UGGT1: variants seen among roughly 807,000 people sequenced by gnomAD.
UGGT1 encodes the protein UDP-glucose glycoprotein glucosyltransferase 1.
Under a neutral mutation model 203.9 loss-of-function variants are expected in UGGT1, and 107 were observed. The ratio of observed to expected loss-of-function variants is 0.52; its 90% CI spans 0.45 to 0.62. The LOEUF (loss-of-function observed/expected upper bound fraction) is 0.62. UGGT1 is among the 20% of genes least tolerant of loss of function. The pLI is 0.00. For synonymous variants in UGGT1, 628 were observed against 653.5 expected, an observed-to-expected ratio of 0.96 and a Z score of 0.59; for missense variants, 1,673 against 1,867.2, an observed-to-expected ratio of 0.90 and a Z score of 1.92.
At position 128,127,342 on chromosome 2, in the gene UGGT1, A is replaced by C. The variant is rs762717302; in HGVS notation, c.1135-19A>C. 5.7e-6 allele frequency: 9 copies of C among 1,572,266 alleles called. No individual in the cohort carries two copies. The highest frequency in any genetic ancestry group is 1.4e-5 in the African/African-American group (1 of 73,716). On this transcript the variant is annotated intron_variant, in intron 11 of 40. Transcript: ENST00000259253. Reference sequence around the variant, plus strand: ...AAACATTCTCTCACAGCTCCCTAATAATTATTAAAATTTTTCAGTATTTCA... The same window carrying C: ...AAACATTCTCTCACAGCTCCCTAATCATTATTAAAATTTTTCAGTATTTCA...
At chr2:128,133,289 ACTCTGTTTCTCCCTTGCCTAGTCC>A in intron 14 of UGGT1, 29 bp downstream of exon 14, 1 of 1,579,610 alleles carries the variant, frequency 6.3e-7, no homozygotes, top group South Asian at 1.1e-5. Context: ...CTGGCTGTGA[ACTCTGTTTCTCCCTTGCCTAGTCC>A]CTCTTTTTTT....
chr2:128,140,601 G>T (rs940618138), intron 16 of UGGT1: 1 of 152,154 alleles, frequency 6.6e-6, no homozygotes, highest in South Asian at 2.1e-4. Flanking sequence ...TGGGCTCTGC[G>T]GCCTGAGACT....
chr2:128,161,374 T>G, intron 25 of UGGT1, 106 bp downstream of exon 25: 1 of 1,328,960 alleles, frequency 7.5e-7, no homozygotes, highest in Non-Finnish European at 1.0e-6. Context: ...CCAAGGAGTT[T>G]TATTTCCAGT....
rs1692309283 is a variant in UGGT1, at chr2:128,192,369, A to G, written c.*2627A>G. Reference sequence around the variant, plus strand: ...ACTAAAATATTTTCTCCAAGAAGGCATACTGTAACAGAAAAGATAGGTAAG... The same window carrying G: ...ACTAAAATATTTTCTCCAAGAAGGCGTACTGTAACAGAAAAGATAGGTAAG... On this transcript the variant is annotated 3_prime_UTR_variant, in exon 41 of 41. Coordinates refer to ENST00000259253, the MANE Select transcript of UGGT1 (RefSeq NM_020120.4). The G allele has an allele frequency of 6.6e-6, 1 of 152,044 alleles. No individual in the cohort carries two copies. The highest frequency in any genetic ancestry group is 6.6e-5 in the Admixed American group (1 of 15,250). The allele number at this position is 152,044 out of a possible 1,614,324, so 9.4% of individuals were successfully genotyped here. A position where few individuals can be genotyped will look rare whatever the true frequency, so the allele number is the denominator to read the frequency against.
At position 128,182,209 on chromosome 2, in the gene UGGT1, G is replaced by C. The variant is rs931463975; in HGVS notation, c.4163G>C (p.Ser1388Thr). Residue 1388 changes from serine (S) to threonine (T), a missense_variant, in exon 37 of 41, where the codon AGC becomes ACC. Physicochemically the swap from Ser to Thr is moderately conservative, Grantham distance 58 (BLOSUM62 1). Around this residue, in one of 4 missense-constraint regions of UGGT1, gnomAD observed 513 missense variants for 684.1 expected, o/e 0.75. Coordinates refer to ENST00000259253, the MANE Select transcript of UGGT1 (RefSeq NM_020120.4). ...APYGYTPFCDSRREMDGYRFW... is the reference protein window; with the variant it reads ...APYGYTPFCDTRREMDGYRFW... ...TATGGTTACACTCCTTTCTGTGACA[G>C]CCGAAGAGAAATGGACGGCTACAGG... The C allele has an allele frequency of 6.2e-7, 1 of 1,614,184 alleles. No homozygotes were observed. Among genetic ancestry groups the C allele is most frequent in the Non-Finnish European group, 8.5e-7 (1 of 1,180,024 alleles).
At chr2:128,173,421 A>G (rs1430253927) in intron 29 of UGGT1, among the ~76,000 whole-genome samples, 1 of 152,056 alleles carries the variant, frequency 6.6e-6, no homozygotes, top group Non-Finnish European at 1.5e-5. Context: ...TTAGTATCTT[A>G]TCCTCGTTCG....
At chr2:128,095,435 T>TCTC (rs70988605) in intron 1 of UGGT1, among the ~76,000 whole-genome samples, 126,872 of 140,178 alleles carry the variant, frequency 0.91, 58,097 homozygotes, top group Non-Finnish European at 0.98. Flanking sequence ...CCCTCCTCCT[T>TCTC]CTCTTCCTCC....
intron 15 of UGGT1, among the ~76,000 whole-genome samples, chr2:128,135,634 T>C (rs7577867): frequency 0.43 from 65,655 of 151,980 alleles, 14,497 homozygotes; most frequent in East Asian, 0.65. Flanking sequence ...GCTGTAAACA[T>C]GTATGCCTTA....
chr2:128,104,140 T>A (rs1687502001), intron 3 of UGGT1, 126 bp downstream of exon 3: 1 of 660,632 alleles, frequency 1.5e-6, no homozygotes, highest in African/African-American at 1.9e-5. Context: ...TGACTGGAGT[T>A]ATGATGGTGG....
intron 2 of UGGT1, chr2:128,103,021 A>G (rs2105345624): frequency 2.1e-6 from 1 of 465,760 alleles, no homozygotes; most frequent in Non-Finnish European, 4.4e-6. Flanking sequence ...ACCTATTTTT[A>G]GAGAAGCTGT....
chr2:128,152,087 T>C (rs953868438), intron 18 of UGGT1, among the ~76,000 whole-genome samples: 1 of 152,204 alleles, frequency 6.6e-6, no homozygotes, highest in Non-Finnish European at 1.5e-5. Flanking sequence ...TCTGGAGATG[T>C]AAGTTTATTT....
chr2:128,163,527 A>G (rs1690635009), intron 25 of UGGT1, among the ~76,000 whole-genome samples: 1 of 151,708 alleles, frequency 6.6e-6, no homozygotes, highest in Non-Finnish European at 1.5e-5. Flanking sequence ...CATCTTGGCT[A>G]ACACGGTGAA....
intron 25 of UGGT1, among the ~76,000 whole-genome samples, chr2:128,162,368 C>T (rs2104749309): frequency 6.6e-6 from 1 of 151,900 alleles, no homozygotes; most frequent in Non-Finnish European, 1.5e-5. Context: ...TAAAGTTCTG[C>T]TTGCGAGGTT....
chr2:128,100,576 T>C (rs958183033), intron 2 of UGGT1, among the ~76,000 whole-genome samples: 7 of 151,440 alleles, frequency 4.6e-5, no homozygotes, highest in African/African-American at 1.7e-4. Flanking sequence ...CCGGCTAATT[T>C]TGTATTTTTT....
At position 128,159,726 on chromosome 2, in the gene UGGT1, GCT is replaced by G; in HGVS notation, c.2562+9_2562+10del. 1.2e-6 allele frequency: 2 copies of G among 1,613,074 alleles called. No homozygotes were observed. Among genetic ancestry groups the G allele is most frequent in the Non-Finnish European group, 1.7e-6 (2 of 1,179,280 alleles). On this transcript the variant is annotated splice_region_variant and intron_variant, in intron 23 of 40. Coordinates refer to ENST00000259253, the MANE Select transcript of UGGT1 (RefSeq NM_020120.4). ...TTGCGGAGTTCTCTGTTGGGGTAAG[GCT>G]CTGAGCCTCTCATGAGGCTGCCCCA... is the stretch of plus-strand genomic sequence containing the variant.
Position 128,194,688 on chromosome 2 carries a change from C to A in UGGT1, c.*4946C>A, listed in dbSNP as rs1692438501. The stretch of plus-strand genomic sequence containing the variant: ...TGTGTGTAGTTTGGTAAGATAACTT[C>A]TTTAAATTCATGTTTTCTCTGCCTT... On this transcript the variant is annotated 3_prime_UTR_variant, in exon 41 of 41. Coordinates refer to ENST00000259253, the MANE Select transcript of UGGT1 (RefSeq NM_020120.4). 6.6e-6 allele frequency: 1 copy of A among 152,138 alleles called. No homozygotes were observed. Among genetic ancestry groups the A allele is most frequent in the African/African-American group, 2.4e-5 (1 of 41,432 alleles). 9.4% of individuals were successfully genotyped at this position (152,138 alleles called of 1,614,324 possible).
At chr2:128,164,517 G>A (rs909582307) in intron 25 of UGGT1, among the ~76,000 whole-genome samples, 3 of 152,228 alleles carry the variant, frequency 2.0e-5, no homozygotes, top group South Asian at 2.1e-4. Context: ...GTCATGCAGC[G>A]TGGGTGCTGT....
At chr2:128,180,625 C>T (rs1326581989) in intron 35 of UGGT1, among the ~76,000 whole-genome samples, 1 of 152,220 alleles carries the variant, frequency 6.6e-6, no homozygotes, top group Non-Finnish European at 1.5e-5. Flanking sequence ...AAAACACACA[C>T]AGAGGGATAT....
rs78223852 is a variant in UGGT1, at chr2:128,136,505, A to G, written c.1583+1544A>G. Among the ~76,000 whole-genome samples, 191 of 152,334 alleles carry G rather than the reference A, an allele frequency of 1.3e-3. 1 individual carries two copies. The East Asian group carries it at 0.034, about 27-fold the overall frequency. On this transcript the variant is annotated intron_variant, in intron 15 of 40. Transcript: ENST00000259253. The stretch of plus-strand genomic sequence containing the variant: ...TGGTGTCTTTCACTGAGCAATGTGC[A>G]TTTAAGCTTCCTCTGTGTCTTCTAG...
Sources: gnomAD v4.1 joint callset for allele counts (sites outside exome capture counted in the v4.1 genomes callset) on GRCh38, gnomAD v4.1.1 for gene constraint, gnomAD v4.1.1 regional missense constraint, MANE v1.5 for transcripts, NCBI Gene and HGNC (gene_info 2026-07-23, HGNC 2026-07-21) for gene names.